The following PDGFC variants were observed in gnomAD, a reference collection of about 807,000 sequenced individuals.
The protein encoded by PDGFC is platelet-derived growth factor C.
PDGFC carries 12 observed loss-of-function variants against 35.5 expected under a neutral mutation model. That is an observed-to-expected ratio of 0.34 (90% CI 0.22 to 0.55). The LOEUF is 0.55. Ranked by LOEUF, PDGFC falls within the 20% of genes least tolerant of loss-of-function variation. The pLI is 0.91. For missense variants in PDGFC, 322 were observed against 412.4 expected, an observed-to-expected ratio of 0.78 and a Z score of 1.90; for synonymous variants, 159 against 148.8, an observed-to-expected ratio of 1.07 and a Z score of -0.50.
intron 1 of PDGFC, among the ~76,000 whole-genome samples, chr4:156,859,227 T>C (rs1227616104): frequency 6.6e-6 from 1 of 152,092 alleles, no homozygotes; most frequent in East Asian, 1.9e-4. Flanking sequence ...TTCAGATTAA[T>C]ATATTAATGC....
chr4:156,926,781 C>A (rs1489316965), intron 1 of PDGFC, among the ~76,000 whole-genome samples: 2 of 152,102 alleles, frequency 1.3e-5, no homozygotes, highest in African/African-American at 4.8e-5. Context: ...TTCCAGGCAC[C>A]CGGTACAAGC....
At chr4:156,944,216 G>A (rs1351500057) in intron 1 of PDGFC, among the ~76,000 whole-genome samples, 2 of 152,100 alleles carry the variant, frequency 1.3e-5, no homozygotes, top group Admixed American at 6.6e-5. Context: ...TCACTCAAAT[G>A]TCTTCTGTGA....
At chr4:156,851,930 C>CAAAAAAAAAAAAAAAAAAAAAA (rs61505882) in intron 1 of PDGFC, among the ~76,000 whole-genome samples, 12 of 47,854 alleles carry the variant, frequency 2.5e-4, no homozygotes, top group African/African-American at 8.0e-4. Flanking sequence ...GACTCCATCT[C>CAAAAAAAAAAAAAAAAAAAAAA]AAAAAAAAAA....
chr4:156,827,221 T>C (rs1003310527), intron 2 of PDGFC, among the ~76,000 whole-genome samples: 2 of 152,008 alleles, frequency 1.3e-5, no homozygotes, highest in Admixed American at 1.3e-4. Context: ...ATTGAGACCA[T>C]CCTGGCTAAC....
In PDGFC at chr4:156,920,193, C is replaced by G. The variant is rs146369898; in HGVS notation, c.118+50593G>C. Among the ~76,000 whole-genome samples, 527 of 152,306 alleles carry G rather than the reference C, an allele frequency of 3.5e-3. 4 individuals carry two copies. The highest frequency in any genetic ancestry group is 0.012 in the African/African-American group (498 of 41,566). ...TGAGCCAAATAAACCCCTTTGCTTT[C>G]TGAATTACTCAGTCTCAAGTATTCC... On this transcript the variant is annotated intron_variant, in intron 1 of 5. Transcript: ENST00000502773.
At chr4:156,850,803 C>G (rs1232476188) in intron 1 of PDGFC, among the ~76,000 whole-genome samples, 3 of 142,714 alleles carry the variant, frequency 2.1e-5, no homozygotes, top group African/African-American at 2.8e-5. Flanking sequence ...TTAAAAAATA[C>G]AAATAATGAT....
At chr4:156,851,539 T>G (rs1000254444) in intron 1 of PDGFC, among the ~76,000 whole-genome samples, 1 of 152,038 alleles carries the variant, frequency 6.6e-6, no homozygotes, top group African/African-American at 2.4e-5. Flanking sequence ...CCCAACCAGT[T>G]GAGAGTTAAT....
At chr4:156,862,215 TA>T (rs757206173) in intron 1 of PDGFC, among the ~76,000 whole-genome samples, 22 of 152,096 alleles carry the variant, frequency 1.4e-4, no homozygotes, top group Non-Finnish European at 2.8e-4. Flanking sequence ...TCCTCTGAAA[TA>T]AAACAGGATT....
chr4:156,764,453 C>A (rs936799071), intron 5 of PDGFC, among the ~76,000 whole-genome samples: 3 of 152,126 alleles, frequency 2.0e-5, no homozygotes, highest in African/African-American at 7.2e-5. Context: ...GAGGCTTAGA[C>A]AGAGTAAGTG....
intron 3 of PDGFC, among the ~76,000 whole-genome samples, chr4:156,807,736 G>A (rs886923931): frequency 1.3e-5 from 2 of 151,812 alleles, no homozygotes; most frequent in Non-Finnish European, 2.9e-5. Context: ...CCCAAAGAAG[G>A]CTACAGGGTT....
chr4:156,788,937 C>T (rs1006704186), intron 3 of PDGFC, among the ~76,000 whole-genome samples: 3 of 152,124 alleles, frequency 2.0e-5, no homozygotes, highest in African/African-American at 4.8e-5. Flanking sequence ...TCAGCTTGTG[C>T]TACTGCTATT....
chr4:156,816,912 T>G (rs149909201), intron 2 of PDGFC, among the ~76,000 whole-genome samples: 1 of 152,200 alleles, frequency 6.6e-6, no homozygotes, highest in Non-Finnish European at 1.5e-5. Flanking sequence ...TTTAGGCCTA[T>G]AAATTTTATA....
At chr4:156,958,275 C>T (rs1181807036) in intron 1 of PDGFC, among the ~76,000 whole-genome samples, 1 of 151,168 alleles carries the variant, frequency 6.6e-6, no homozygotes, top group Non-Finnish European at 1.5e-5. Context: ...AGTTTAAATG[C>T]AGGTCTTAGG....
At position 156,762,741 on chromosome 4, in the gene PDGFC, G is replaced by A. The variant is rs771123749; in HGVS notation, c.*349C>T. 15 of 170,250 alleles carry A rather than the reference G, an allele frequency of 8.8e-5. No individual in the cohort carries two copies. Among genetic ancestry groups the A allele is most frequent in the Non-Finnish European group, 1.1e-4 (9 of 79,902 alleles). The allele number at this position is 170,250 out of a possible 1,614,324, so 10.5% of individuals were successfully genotyped here. The stretch of plus-strand genomic sequence containing the variant: ...ACTTGCACAGTTTTTTTCCTGTACT[G>A]ACATTACCCTAAGCCGTATCGAAAG... On this transcript the variant is annotated 3_prime_UTR_variant, in exon 6 of 6. Coordinates refer to ENST00000502773, the MANE Select transcript of PDGFC (RefSeq NM_016205.3).
chr4:156,873,171 A>G (rs1730027868), intron 1 of PDGFC, among the ~76,000 whole-genome samples: 1 of 152,218 alleles, frequency 6.6e-6, no homozygotes, highest in African/African-American at 2.4e-5. Context: ...TTCTAAATGT[A>G]TAATGAGATT....
intron 2 of PDGFC, among the ~76,000 whole-genome samples, chr4:156,824,536 CA>C (rs1287695638): frequency 1.3e-5 from 2 of 151,712 alleles, no homozygotes; most frequent in Non-Finnish European, 2.9e-5. Flanking sequence ...TTTTGTAACC[CA>C]TAGGATTAAA....
At chr4:156,858,472 C>T (rs1377876670) in intron 1 of PDGFC, among the ~76,000 whole-genome samples, 2 of 151,918 alleles carry the variant, frequency 1.3e-5, no homozygotes, top group East Asian at 3.9e-4. Context: ...CACACAATTG[C>T]ACACCCCACT....
intron 1 of PDGFC, among the ~76,000 whole-genome samples, chr4:156,946,617 T>C (rs1434009385): frequency 6.6e-6 from 1 of 152,060 alleles, no homozygotes; most frequent in Non-Finnish European, 1.5e-5. Context: ...CCAGAGTTTA[T>C]CTATTTATCA....
chr4:156,810,583 C>A (rs1287043743), intron 3 of PDGFC, among the ~76,000 whole-genome samples: 1 of 151,910 alleles, frequency 6.6e-6, no homozygotes, highest in Non-Finnish European at 1.5e-5. Context: ...GACTCCTGAG[C>A]AATCAAACAG....
Sources: gnomAD v4.1 joint callset for allele counts (sites outside exome capture counted in the v4.1 genomes callset) on GRCh38, gnomAD v4.1.1 for gene constraint, MANE v1.5 for transcripts, NCBI Gene and HGNC (gene_info 2026-07-23, HGNC 2026-07-21) for gene names.